The following ENDOD1 variants were observed in gnomAD, a reference collection of about 807,000 sequenced individuals.
The protein encoded by ENDOD1 is endonuclease domain-containing 1 protein.
ENDOD1 carries 9 observed loss-of-function variants against 6.5 expected under a neutral mutation model. The observed-to-expected ratio is 1.39, with a 90% confidence interval of 0.84 to 2.43. The LOEUF is 2.43. ENDOD1 is among the 30% of genes most tolerant of loss of function. The pLI is 0.00. For synonymous variants in ENDOD1, 255 were observed against 255.2 expected, an observed-to-expected ratio of 1.00 and a Z score of 0.01; for missense variants, 648 against 635.5, an observed-to-expected ratio of 1.02 and a Z score of -0.21.
intron 1 of ENDOD1, among the ~76,000 whole-genome samples, chr11:95,110,610 T>TGTGC (rs1565446417): frequency 1.3e-5 from 2 of 151,934 alleles, no homozygotes; most frequent in East Asian, 1.9e-4. Context: ...TGTGTGTGTG[T>TGTGC]GCTTTTTAAA....
At chr11:95,093,431 T>C (rs1858950543) in intron 1 of ENDOD1, among the ~76,000 whole-genome samples, 1 of 152,202 alleles carries the variant, frequency 6.6e-6, no homozygotes, top group Non-Finnish European at 1.5e-5. Context: ...TGCTGAGGTG[T>C]CACCTCCTCC....
chr11:95,090,025 A>T lies in ENDOD1; in HGVS notation c.98A>T (p.Glu33Val). ...GGCGAGGAGGAAGCCGGCTTTGGCG[A>T]ATGTGACAAGTTCTTCTACGCCGGG... is the stretch of plus-strand genomic sequence containing the variant. ...LVGEEEAGFG[E>V]CDKFFYAGTP... Residue 33 changes from glutamate to valine, a missense_variant, in exon 1 of 2, where the codon GAA becomes GTA. Physicochemically the swap from Glu to Val is moderately radical, Grantham distance 121. Transcript: ENST00000278505. The T allele has an allele frequency of 6.3e-7, 1 of 1,592,968 alleles. No homozygotes were observed. Among genetic ancestry groups the T allele is most frequent in the East Asian group, 2.3e-5 (1 of 43,012 alleles).
At chr11:95,094,902 A>G (rs1858968235) in intron 1 of ENDOD1, among the ~76,000 whole-genome samples, 2 of 152,244 alleles carry the variant, frequency 1.3e-5, no homozygotes, top group South Asian at 4.1e-4. Context: ...AAAGGTTGTA[A>G]AAGTGTTTAT....
At chr11:95,114,352 AT>A (rs1480465636) in intron 1 of ENDOD1, among the ~76,000 whole-genome samples, 1 of 147,496 alleles carries the variant, frequency 6.8e-6, no homozygotes, top group Admixed American at 6.6e-5. Flanking sequence ...GGATTATTAG[AT>A]TTTTTTCCTA....
intron 1 of ENDOD1, among the ~76,000 whole-genome samples, chr11:95,123,182 C>G (rs371901270): frequency 1.0e-5 from 1 of 99,106 alleles, no homozygotes; most frequent in Middle Eastern, 4.3e-3. Flanking sequence ...GAGCAAGACT[C>G]CGTCTCAAAA....
chr11:95,124,415 G>A (rs1565448965), intron 1 of ENDOD1, among the ~76,000 whole-genome samples: 1 of 152,178 alleles, frequency 6.6e-6, no homozygotes, highest in Non-Finnish European at 1.5e-5. Context: ...CAGATATTCT[G>A]TCTCAATTTT....
At chr11:95,116,574 T>C (rs1859211365) in intron 1 of ENDOD1, among the ~76,000 whole-genome samples, 1 of 152,196 alleles carries the variant, frequency 6.6e-6, no homozygotes, top group African/African-American at 2.4e-5. Context: ...AGATGCAACA[T>C]TAGGCTGTTT....
intron 1 of ENDOD1, among the ~76,000 whole-genome samples, chr11:95,119,082 G>T (rs1859238309): frequency 6.6e-6 from 1 of 152,160 alleles, no homozygotes; most frequent in Non-Finnish European, 1.5e-5. Context: ...GTGTTATCAT[G>T]AATTTCTTTG....
chr11:95,120,713 T>A (rs1408139303), intron 1 of ENDOD1, among the ~76,000 whole-genome samples: 1 of 152,168 alleles, frequency 6.6e-6, no homozygotes, highest in African/African-American at 2.4e-5. Flanking sequence ...TCACTGGTTC[T>A]GGACCCAGTT....
At chr11:95,118,286 A>G (rs1859230106) in intron 1 of ENDOD1, among the ~76,000 whole-genome samples, 1 of 152,192 alleles carries the variant, frequency 6.6e-6, no homozygotes, top group South Asian at 2.1e-4. Context: ...CTTATTGCTC[A>G]TTAACATCCT....
At chr11:95,108,932 C>A (rs1438338294) in intron 1 of ENDOD1, among the ~76,000 whole-genome samples, 1 of 152,072 alleles carries the variant, frequency 6.6e-6, no homozygotes, top group Non-Finnish European at 1.5e-5. Flanking sequence ...TCAGCTGCAC[C>A]CACGATCTTT....
At chr11:95,120,857 A>C (rs1260997816) in intron 1 of ENDOD1, among the ~76,000 whole-genome samples, 1 of 152,170 alleles carries the variant, frequency 6.6e-6, no homozygotes, top group African/African-American at 2.4e-5. Context: ...TGGGATTGGC[A>C]GCTTTTCTCT....
intron 1 of ENDOD1, among the ~76,000 whole-genome samples, chr11:95,091,051 G>T (rs1271807838): frequency 2.0e-5 from 3 of 152,082 alleles, no homozygotes; most frequent in Admixed American, 6.5e-5. Context: ...ATGGTGTTCT[G>T]TCCCGTCTGG....
intron 1 of ENDOD1, among the ~76,000 whole-genome samples, chr11:95,109,277 G>C (rs1056376511): frequency 6.6e-6 from 1 of 152,312 alleles, no homozygotes; most frequent in Admixed American, 6.5e-5. Flanking sequence ...CCATGAGTCA[G>C]AGTCATTGAG....
At chr11:95,106,425 A>G (rs1555111399) in intron 1 of ENDOD1, among the ~76,000 whole-genome samples, 1 of 152,236 alleles carries the variant, frequency 6.6e-6, no homozygotes, top group East Asian at 1.9e-4. Context: ...TTGAATATAA[A>G]GGAAGGTTTG....
Position 95,129,405 on chromosome 11 carries a change from C to T in ENDOD1, c.1329C>T (p.Tyr443=). The change falls in exon 2 of 2, where the codon TAC becomes TAT. Residue 443 remains tyrosine (Y), a synonymous_variant. Transcript: ENST00000278505. ...VLVDVATFPV[Y]TMGAIPIVCK... Reference sequence around the variant, plus strand: ...TGGATGTGGCCACTTTCCCTGTGTACACCATGGGCGCTATTCCAATTGTTT... The same window carrying T: ...TGGATGTGGCCACTTTCCCTGTGTATACCATGGGCGCTATTCCAATTGTTT... The T allele has an allele frequency of 5.6e-6, 9 of 1,614,200 alleles. No homozygotes were observed. Among genetic ancestry groups the T allele is most frequent in the Non-Finnish European group, 7.6e-6 (9 of 1,180,028 alleles).
intron 1 of ENDOD1, among the ~76,000 whole-genome samples, chr11:95,094,342 T>C (rs1858963386): frequency 6.6e-6 from 1 of 152,126 alleles, no homozygotes; most frequent in Non-Finnish European, 1.5e-5. Flanking sequence ...TGATACACTG[T>C]GGAGATTCTT....
At chr11:95,091,320 G>T (rs1858928711) in intron 1 of ENDOD1, among the ~76,000 whole-genome samples, 2 of 152,176 alleles carry the variant, frequency 1.3e-5, no homozygotes, top group African/African-American at 4.8e-5. Flanking sequence ...AGAGCCTGTG[G>T]GTTGTAATCT....
intron 1 of ENDOD1, among the ~76,000 whole-genome samples, chr11:95,108,717 C>G (rs534139805): frequency 6.6e-6 from 1 of 152,118 alleles, no homozygotes; most frequent in Admixed American, 6.5e-5. Context: ...CTCAAATGTC[C>G]TTAATCTGCT....
Sources: gnomAD v4.1 joint callset for allele counts (sites outside exome capture counted in the v4.1 genomes callset) on GRCh38, gnomAD v4.1.1 for gene constraint, MANE v1.5 for transcripts, NCBI Gene and HGNC (gene_info 2026-07-23, HGNC 2026-07-21) for gene names.